The following TRRAP variants were observed in gnomAD, a reference collection of about 807,000 sequenced individuals.
TRRAP encodes the protein transformation/transcription domain-associated protein.
In TRRAP, 41 loss-of-function variants were observed where a neutral mutation model predicts 438.8. The observed-to-expected ratio is 0.09, with a 90% CI of 0.07 to 0.12. The LOEUF is 0.12. TRRAP is among the 10% of genes least tolerant of loss of function. The pLI is 1.00. For synonymous variants in TRRAP, 1,994 were observed against 1,962.9 expected, an observed-to-expected ratio of 1.02 and a Z score of -0.42; for missense variants, 3,122 against 5,055.1, an observed-to-expected ratio of 0.62 and a Z score of 11.60.
chr7:98,935,574 T>G lies in TRRAP; in HGVS notation c.4015-5T>G. On this transcript the variant is annotated splice_region_variant and splice_polypyrimidine_tract_variant and intron_variant, in intron 27 of 72. Coordinates refer to ENST00000456197, the MANE Select transcript of TRRAP (RefSeq NM_001375524.1). ...GGCTAAATGAAATTGTTTTATCTTTTGCAGCTGTTGAATTTGTGTGAGGCT... is the reference window on the plus strand; with the variant it reads ...GGCTAAATGAAATTGTTTTATCTTTGGCAGCTGTTGAATTTGTGTGAGGCT... 1 of 1,596,678 alleles carries G rather than the reference T, an allele frequency of 6.3e-7. No homozygotes were observed. Among genetic ancestry groups the G allele is most frequent in the Non-Finnish European group, 8.6e-7 (1 of 1,165,656 alleles).
chr7:98,962,568 T>C lies in TRRAP; in HGVS notation c.6829+141T>C, dbSNP rs1584366006. 4.7e-6 allele frequency: 7 copies of C among 1,504,828 alleles called. No homozygotes were observed. The South Asian group carries it at 6.3e-5, about 14-fold the overall frequency. 93.2% of individuals were successfully genotyped at this position (1,504,828 alleles called of 1,614,324 possible). ...CTGCGTTGTTCAGGTGTCTGTTGCCTGGGGCCCTCAAGGCCGCCGTCTCCT... is the reference window on the plus strand; with the variant it reads ...CTGCGTTGTTCAGGTGTCTGTTGCCCGGGGCCCTCAAGGCCGCCGTCTCCT... On this transcript the variant is annotated intron_variant, in intron 47 of 72. Coordinates refer to ENST00000456197, the MANE Select transcript of TRRAP (RefSeq NM_001375524.1).
intron 10 of TRRAP, among the ~76,000 whole-genome samples, chr7:98,900,250 GC>G (rs1268307029): frequency 6.6e-6 from 1 of 152,130 alleles, no homozygotes; most frequent in Non-Finnish European, 1.5e-5. Flanking sequence ...AGCCCGTCTG[GC>G]TGTGTCATTT....
chr7:98,967,410 G>T (rs1386501395), intron 50 of TRRAP, 75 bp from the exon 51 acceptor site: 11 of 1,518,674 alleles, frequency 7.2e-6, no homozygotes, highest in Non-Finnish European at 9.9e-6. Context: ...TCACATCCAC[G>T]TTCACCTGTT....
intron 59 of TRRAP, among the ~76,000 whole-genome samples, chr7:98,982,612 C>T (rs781434371): frequency 2.2e-4 from 33 of 152,130 alleles, no homozygotes; most frequent in Non-Finnish European, 4.0e-4. Flanking sequence ...ATATCGTGTG[C>T]GCCATAGAAG....
At position 98,899,720 on chromosome 7, in the gene TRRAP, G is replaced by T. The variant is rs899239120; in HGVS notation, c.753G>T (p.Val251=). 1 of 1,614,140 alleles carries T rather than the reference G, an allele frequency of 6.2e-7. No homozygotes were observed. The highest frequency in any genetic ancestry group is 1.7e-5 in the Admixed American group (1 of 60,010). ...LNIHNVVAEF[V]PLIMNTIAIQ... The stretch of plus-strand genomic sequence containing the variant: ...TCCACAATGTTGTTGCTGAGTTTGT[G>T]CCCTTGATCATGAACACCATTGCCA... Residue 251 remains valine, a synonymous_variant, in exon 10 of 73, where the codon GTG becomes GTT. Coordinates refer to ENST00000456197, the MANE Select transcript of TRRAP (RefSeq NM_001375524.1).
chr7:98,930,545 T>C, intron 24 of TRRAP, 88 bp from the exon 25 acceptor site: 2 of 1,540,766 alleles, frequency 1.3e-6, no homozygotes, highest in Non-Finnish European at 1.8e-6. Flanking sequence ...ACCATTGCAC[T>C]CCGGCCTGGG....
At chr7:98,888,949 T>C (rs1795842095) in intron 3 of TRRAP, among the ~76,000 whole-genome samples, 1 of 152,164 alleles carries the variant, frequency 6.6e-6, no homozygotes, top group African/African-American at 2.4e-5. Context: ...GATAGGAGTT[T>C]AGAAAATATT....
intron 3 of TRRAP, among the ~76,000 whole-genome samples, chr7:98,885,142 G>C (rs1554403766): frequency 3.3e-5 from 5 of 152,020 alleles, no homozygotes; most frequent in Non-Finnish European, 5.9e-5. Context: ...TTAAGAGATA[G>C]GGTCTTGCTG....
intron 52 of TRRAP, 110 bp from the exon 53 acceptor site, chr7:98,971,689 A>G (rs1792426553): frequency 1.4e-5 from 19 of 1,357,828 alleles, no homozygotes; most frequent in Non-Finnish European, 1.8e-5. Context: ...CTTCCAGGAA[A>G]CGAACACGAA....
chr7:98,988,607 T>C (rs1405138707), intron 62 of TRRAP, among the ~76,000 whole-genome samples, 158 bp from the exon 63 acceptor site: 1 of 150,558 alleles, frequency 6.6e-6, no homozygotes, highest in Non-Finnish European at 1.5e-5. Flanking sequence ...GGGCTGGAGG[T>C]GGGAGGGGTT....
chr7:98,971,996 C>T, intron 53 of TRRAP, 51 bp downstream of exon 53: 1 of 1,583,128 alleles, frequency 6.3e-7, no homozygotes, highest in South Asian at 1.2e-5. Context: ...ATGGACAGTT[C>T]AAAGCCTAAA....
chr7:98,937,136 C>G lies in TRRAP; in HGVS notation c.4112-20C>G, dbSNP rs1554414425. ...TCTTTCCAGTTAATAATGGAATTGT[C>G]TTGATTTCTCTCCCTGAAGATGCAC... is the stretch of plus-strand genomic sequence containing the variant. On this transcript the variant is annotated intron_variant, in intron 28 of 72. Coordinates refer to ENST00000456197, the MANE Select transcript of TRRAP (RefSeq NM_001375524.1). 6.3e-7 allele frequency: 1 copy of G among 1,585,392 alleles called. No homozygotes were observed. The highest frequency in any genetic ancestry group is 8.5e-7 in the Non-Finnish European group (1 of 1,169,960).
chr7:98,948,479 C>T lies in TRRAP; in HGVS notation c.4669-87C>T. 2 of 1,611,770 alleles carry T rather than the reference C, an allele frequency of 1.2e-6. No homozygotes were observed. Among genetic ancestry groups the T allele is most frequent in the African/African-American group, 1.3e-5 (1 of 74,992 alleles). On this transcript the variant is annotated intron_variant, in intron 34 of 72. Coordinates refer to ENST00000456197, the MANE Select transcript of TRRAP (RefSeq NM_001375524.1). The surrounding 1 kb of genome is among the most constrained non-coding windows in gnomAD (Gnocchi z 4.9). ...ATTTGCTTGTGGGTGTTCATGCACT[C>T]CAGTAACAAGGGACCTTGTTAGGTA...
Position 98,935,632 on chromosome 7 carries a change from T to G in TRRAP, c.4068T>G (p.Tyr1356Ter). The part of the protein sequence containing the change: ...EDSALTKLPC[Y>*]KSLPSLVPLR... ...CAGCTTTAACAAAGCTGCCCTGTTA[T>G]AAAAGCCTTCCGTCACTCGTACCTT... The change falls in exon 28 of 73, where the codon TAT (tyrosine) becomes TAG (stop). Residue 1356 changes from tyrosine (Y) to a stop codon, truncating the protein, a stop_gained. Coordinates refer to ENST00000456197, the MANE Select transcript of TRRAP (RefSeq NM_001375524.1). LOFTEE classifies it high-confidence loss of function. The G allele has an allele frequency of 6.2e-7, 1 of 1,605,984 alleles. No homozygotes were observed. Among genetic ancestry groups the G allele is most frequent in the Non-Finnish European group, 8.5e-7 (1 of 1,173,194 alleles).
chr7:98,958,309 G>T (rs1433441236), intron 44 of TRRAP, among the ~76,000 whole-genome samples: 3 of 146,858 alleles, frequency 2.0e-5, no homozygotes, highest in Non-Finnish European at 4.5e-5. Context: ...AATTTTTTTG[G>T]TTTTTTTTTT....
intron 58 of TRRAP, 121 bp from the exon 59 acceptor site, chr7:98,981,648 A>G (rs1792925110): frequency 2.1e-6 from 2 of 944,668 alleles, no homozygotes. Context: ...TCTATAGCCT[A>G]ATTTCTGTGT....
At chr7:98,945,639 C>A in intron 31 of TRRAP, 108 bp from the exon 32 acceptor site, 1 of 1,280,312 alleles carries the variant, frequency 7.8e-7, no homozygotes, top group Non-Finnish European at 1.1e-6. Flanking sequence ...TAATTTGTGT[C>A]TTTACTGTCT....
At chr7:98,937,094 A>G in intron 28 of TRRAP, 62 bp from the exon 29 acceptor site, 1 of 1,529,276 alleles carries the variant, frequency 6.5e-7, no homozygotes, top group Non-Finnish European at 8.8e-7. Flanking sequence ...AATACAGAGA[A>G]GAAAATTATT....
rs916371050 is a variant in TRRAP, at chr7:99,005,617, G to A, written c.10753+269G>A. 4.6e-5 allele frequency among the ~76,000 whole-genome samples: 7 copies of A among 152,142 alleles called. No homozygotes were observed. Among genetic ancestry groups the A allele is most frequent in the Admixed American group, 3.9e-4 (6 of 15,286 alleles). On this transcript the variant is annotated intron_variant, in intron 69 of 72. Transcript: ENST00000456197. The surrounding 1 kb of genome is among the most constrained non-coding windows in gnomAD (Gnocchi z 5.1). ...AACCTGCGGGCTCCATGGGGCCCACGATGCCTTTGAATGTGGTTCGACACA... is the reference window on the plus strand; with the variant it reads ...AACCTGCGGGCTCCATGGGGCCCACAATGCCTTTGAATGTGGTTCGACACA...
Sources: gnomAD v4.1 joint callset for allele counts (sites outside exome capture counted in the v4.1 genomes callset) on GRCh38, gnomAD v4.1.1 for gene constraint, Gnocchi (gnomAD v3.1) non-coding constraint, MANE v1.5 for transcripts, NCBI Gene and HGNC (gene_info 2026-07-23, HGNC 2026-07-21) for gene names.